Variants in CEP112 observed in about 807,000 individuals in gnomAD.
CEP112 encodes the protein centrosomal protein of 112 kDa.
In CEP112, 127 loss-of-function variants were observed where a neutral mutation model predicts 153.0. The ratio of observed to expected loss-of-function variants is 0.83; its 90% CI spans 0.72 to 0.96. The LOEUF is 0.96. CEP112 is among the 40% of genes least tolerant of loss of function. The pLI, the probability that CEP112 is intolerant of heterozygous loss-of-function variation, is 0.00. For synonymous variants in CEP112, 358 were observed against 374.4 expected (o/e 0.96, Z 0.51); for missense variants, 1,089 against 1,101.2 (o/e 0.99, Z 0.16).
At chr17:65,995,107 G>C (rs1034604177) in intron 17 of CEP112, among the ~76,000 whole-genome samples, 7 of 147,232 alleles carry the variant, frequency 4.8e-5, no homozygotes, top group African/African-American at 1.5e-4. Context: ...CTGATCATCA[G>C]AGTCCCATGT....
chr17:66,122,331 G>A (rs1302733921), intron 6 of CEP112, among the ~76,000 whole-genome samples: 3 of 152,024 alleles, frequency 2.0e-5, no homozygotes, highest in Admixed American at 2.0e-4. Flanking sequence ...CTCTGTATAA[G>A]GGCCATACTT....
At chr17:65,838,183 C>T (rs1459313430) in intron 21 of CEP112, among the ~76,000 whole-genome samples, 2 of 152,160 alleles carry the variant, frequency 1.3e-5, no homozygotes, top group Non-Finnish European at 2.9e-5. Context: ...TTCCACCCAA[C>T]TGCTGCAGAC....
At chr17:66,131,296 A>G (rs992726271) in intron 5 of CEP112, among the ~76,000 whole-genome samples, 28 of 152,210 alleles carry the variant, frequency 1.8e-4, no homozygotes, top group African/African-American at 6.0e-4. Context: ...AATTTCTTAA[A>G]TAAGACAATG....
rs1008899925 is a variant in CEP112 at position 65,894,596 on chromosome 17, T to G, written c.2163+7556A>C. ...GTAATATTCCAAATTAGTATGTGAA[T>G]ATAACAAATATCCACAGATCATAAA... is the stretch of plus-strand genomic sequence containing the variant. On this transcript the variant is annotated intron_variant, in intron 20 of 26. Coordinates refer to ENST00000535342, the MANE Select transcript of CEP112 (RefSeq NM_001199165.4). Among the ~76,000 whole-genome samples, 5 of 152,072 alleles carry G rather than the reference T, an allele frequency of 3.3e-5. No homozygotes were observed. The South Asian group carries it at 6.2e-4, about 19-fold the overall frequency.
At chr17:66,110,348 GA>G (rs897172549) in intron 6 of CEP112, among the ~76,000 whole-genome samples, 1 of 146,198 alleles carries the variant, frequency 6.8e-6, no homozygotes, top group African/African-American at 2.5e-5. Context: ...AAAAAAAAAA[GA>G]AAAAAAAAGA....
At chr17:66,139,960 G>A (rs1053721718) in intron 4 of CEP112, among the ~76,000 whole-genome samples, 2 of 151,964 alleles carry the variant, frequency 1.3e-5, no homozygotes, top group South Asian at 2.1e-4. Context: ...ACCAAAACCA[G>A]ACAAAGACAC....
chr17:65,820,359 GT>G (rs1315303519), intron 21 of CEP112, among the ~76,000 whole-genome samples: 3 of 152,010 alleles, frequency 2.0e-5, no homozygotes, highest in Non-Finnish European at 4.4e-5. Flanking sequence ...TGACTAGATA[GT>G]TTTCTAGTTC....
chr17:65,773,733 C>T (rs957329353), intron 21 of CEP112, among the ~76,000 whole-genome samples: 1 of 152,142 alleles, frequency 6.6e-6, no homozygotes, highest in East Asian at 1.9e-4. Flanking sequence ...ATATTTTCTT[C>T]TACTCAGCCC....
Position 65,640,990 on chromosome 17 carries a change from C to G in CEP112, c.2773G>C (p.Asp925His). 6.2e-7 allele frequency: 1 copy of G among 1,607,632 alleles called. No homozygotes were observed. The highest frequency in any genetic ancestry group is 8.5e-7 in the Non-Finnish European group (1 of 1,174,248). ...TGTGATTTTAGGGAGGAAATGGTGTCTTCAAGTTCTTGTCTTAGGGATGCT... is the reference window on the plus strand; with the variant it reads ...TGTGATTTTAGGGAGGAAATGGTGTGTTCAAGTTCTTGTCTTAGGGATGCT... ...MPASLRQELE[D>H]TISSLKSQVN... The change falls in exon 25 of 27, where the codon GAC (aspartate) becomes CAC (histidine). Residue 925 changes from aspartate to histidine, a missense_variant. Asp to His is a moderately conservative substitution (Grantham distance 81). Transcript: ENST00000535342.
At chr17:66,045,193 C>T (rs577415406) in intron 12 of CEP112, among the ~76,000 whole-genome samples, 45 of 152,192 alleles carry the variant, frequency 3.0e-4, no homozygotes, top group African/African-American at 1.0e-3. Flanking sequence ...ACCTCGGCCC[C>T]ACAAGTAGCT....
intron 5 of CEP112, 121 bp downstream of exon 5, chr17:66,132,549 A>C: frequency 1.4e-6 from 1 of 730,424 alleles, no homozygotes; most frequent in Admixed American, 2.2e-5. Flanking sequence ...GTTCACCAGA[A>C]TCATCCAACT....
chr17:65,663,843 G>A (rs772135501), intron 24 of CEP112, among the ~76,000 whole-genome samples: 2 of 152,204 alleles, frequency 1.3e-5, no homozygotes, highest in Non-Finnish European at 2.9e-5. Flanking sequence ...TCAGGAGATC[G>A]GGACCATCTT....
intron 21 of CEP112, among the ~76,000 whole-genome samples, chr17:65,843,939 T>C (rs1431365160): frequency 1.3e-5 from 2 of 152,120 alleles, no homozygotes; most frequent in African/African-American, 4.8e-5. Context: ...AATTAAATCA[T>C]AAAAGGCAAA....
intron 5 of CEP112, among the ~76,000 whole-genome samples, chr17:66,130,792 AAC>A (rs1491276818): frequency 3.3e-5 from 5 of 151,556 alleles, no homozygotes; most frequent in Admixed American, 1.3e-4. Context: ...AAAAAAAAAA[AAC>A]ACACACAATT....
intron 16 of CEP112, among the ~76,000 whole-genome samples, chr17:66,007,969 A>G (rs1445522675): frequency 2.6e-5 from 4 of 151,988 alleles, no homozygotes; most frequent in Non-Finnish European, 5.9e-5. Context: ...TTTTTATGTT[A>G]CTTTTTATAC....
chr17:65,669,709 C>T (rs540954434), intron 24 of CEP112, among the ~76,000 whole-genome samples: 1 of 152,100 alleles, frequency 6.6e-6, no homozygotes, highest in Non-Finnish European at 1.5e-5. Flanking sequence ...CGAGACCATC[C>T]TGGCTAACAC....
intron 17 of CEP112, among the ~76,000 whole-genome samples, chr17:66,001,486 G>A (rs2064048714): frequency 6.6e-6 from 1 of 152,108 alleles, no homozygotes; most frequent in Non-Finnish European, 1.5e-5. Flanking sequence ...TAGTGTCAGG[G>A]TTAAAAATAT....
chr17:66,099,403 C>A (rs2068471691), intron 6 of CEP112, among the ~76,000 whole-genome samples: 1 of 150,114 alleles, frequency 6.7e-6, no homozygotes, highest in African/African-American at 2.5e-5. Context: ...ATTCAGGAGG[C>A]TGAGGCAGGA....
intron 6 of CEP112, among the ~76,000 whole-genome samples, chr17:66,108,757 T>G (rs1366652603): frequency 6.6e-6 from 1 of 152,162 alleles, no homozygotes. Context: ...GCAATCCCAC[T>G]GCTAGGTATA....
Sources: allele counts gnomAD v4.1 joint callset (sites outside exome capture counted in the v4.1 genomes callset), GRCh38; gene constraint gnomAD v4.1.1; transcripts MANE v1.5; gene names NCBI Gene and HGNC (gene_info 2026-07-23, HGNC 2026-07-21).